Variants in ELF2 observed in about 807,000 individuals in gnomAD.
ELF2 encodes the protein E74 like ETS transcription factor 2, also known as ETS-related transcription factor Elf-2.
ELF2 carries 11 observed loss-of-function variants against 54.8 expected under a neutral mutation model. The observed-to-expected ratio is 0.20, with a 90% confidence interval of 0.13 to 0.33. ELF2 has a LOEUF of 0.33. Ranked by LOEUF, ELF2 falls within the 10% of genes least tolerant of loss-of-function variation. The pLI is 1.00. For missense variants in ELF2, 513 were observed against 703.0 expected, an observed-to-expected ratio of 0.73 and a Z score of 3.06; for synonymous variants, 203 against 245.1, an observed-to-expected ratio of 0.83 and a Z score of 1.61.
chr4:139,129,267 ACT>A (rs943775633), intron 3 of ELF2, among the ~76,000 whole-genome samples: 1 of 151,716 alleles, frequency 6.6e-6, no homozygotes, highest in African/African-American at 2.4e-5. Context: ...GTCTCCTCTG[ACT>A]CTTCTTTCAT....
chr4:139,073,567 A>G lies in ELF2; in HGVS notation c.239T>C (p.Val80Ala). 6.6e-7 allele frequency: 1 copy of G among 1,515,458 alleles called. No homozygotes were observed. 93.9% of individuals were successfully genotyped at this position (1,515,458 alleles called of 1,614,324 possible). The change falls in exon 5 of 10, where the codon GTG becomes GCG. Residue 80 changes from valine (V) to alanine (A), a missense_variant and splice_region_variant. Val to Ala is a moderately conservative substitution (Grantham distance 64). This residue lies in a region of ELF2 where 203 missense variants were observed against 245.9 expected (regional missense o/e 0.83). Transcript: ENST00000686138. ...QEVETENVET[V>A]EASVHSSNAH... Reference sequence around the variant, plus strand: ...ATTACTGCTGTGAACTGATGCTTCCACTGGAGGAAAAATAAGTTCTACTCA... The same window carrying G: ...ATTACTGCTGTGAACTGATGCTTCCGCTGGAGGAAAAATAAGTTCTACTCA...
rs1272761528 is a variant in ELF2, at chr4:139,101,648, ATAC to A, written c.238+23513_238+23515del. On this transcript the variant is annotated intron_variant, in intron 4 of 9. Transcript: ENST00000686138. ...ACAATAGTGGTCTCTGACCTATACA[ATAC>A]TTGACTCCTTTTGTAAGACGGTAAA... 1.3e-4 allele frequency: 20 copies of A among 152,332 alleles called. No homozygotes were observed. The East Asian group carries it at 3.3e-3, about 25-fold the overall frequency. 9.4% of individuals were successfully genotyped at this position (152,332 alleles called of 1,614,324 possible).
At chr4:139,066,655 G>C (rs1447146553) in intron 7 of ELF2, 1 of 151,750 alleles carries the variant, frequency 6.6e-6, no homozygotes, top group Non-Finnish European at 1.5e-5. Context: ...GGGAGTGTGA[G>C]GCCGGAGGAT....
intron 1 of ELF2, among the ~76,000 whole-genome samples, chr4:139,161,301 CT>C (rs2148900803): frequency 6.6e-6 from 1 of 152,232 alleles, no homozygotes; most frequent in South Asian, 2.1e-4. Context: ...ATCTTCAGAA[CT>C]GTTAGCATAC....
At chr4:139,128,990 G>A (rs1241271315) in intron 3 of ELF2, among the ~76,000 whole-genome samples, 1 of 151,964 alleles carries the variant, frequency 6.6e-6, no homozygotes, top group Non-Finnish European at 1.5e-5. Context: ...CCAGGCTGGA[G>A]TGCAATGGCG....
chr4:139,127,462 T>G (rs182403592), intron 3 of ELF2, among the ~76,000 whole-genome samples: 2 of 152,336 alleles, frequency 1.3e-5, no homozygotes, highest in East Asian at 3.9e-4. Flanking sequence ...CTATCTATGA[T>G]AATATTGCCC....
At position 139,162,618 on chromosome 4, in the gene ELF2, T is replaced by C. The variant is rs145813172; in HGVS notation, c.-252+14349A>G. On this transcript the variant is annotated intron_variant, in intron 1 of 9. Coordinates refer to ENST00000686138, the MANE Select transcript of ELF2 (RefSeq NM_001331036.3). Reference sequence around the variant, plus strand: ...TTCACATAATTTGAAATATTAAAATTATGTTAAATTAAGTGATAAATACTC... The same window carrying C: ...TTCACATAATTTGAAATATTAAAATCATGTTAAATTAAGTGATAAATACTC... Among the ~76,000 whole-genome samples, 768 of 152,272 alleles carry C rather than the reference T, an allele frequency of 5.0e-3. 3 individuals are homozygous for C. Among genetic ancestry groups the C allele is most frequent in the African/African-American group, 0.017 (722 of 41,548 alleles).
chr4:139,072,277 C>A, intron 5 of ELF2: 1 of 411,332 alleles, frequency 2.4e-6, no homozygotes, highest in Non-Finnish European at 4.3e-6. Context: ...AGGCAAGGAT[C>A]ATGAGTAGTC....
At chr4:139,100,399 C>T (rs181485459) in intron 4 of ELF2, 2 of 152,344 alleles carry the variant, frequency 1.3e-5, no homozygotes, top group Non-Finnish European at 2.9e-5. Flanking sequence ...AGCACATGCC[C>T]GTGATCCCAA....
intron 4 of ELF2, among the ~76,000 whole-genome samples, chr4:139,122,559 T>C (rs925695793): frequency 6.6e-6 from 1 of 152,110 alleles, no homozygotes; most frequent in African/African-American, 2.4e-5. Context: ...TGGAGTGCAG[T>C]AGCACTATCT....
rs113800639 is a variant in ELF2 at position 139,058,407 on chromosome 4, G to GTATATATATATATA, written c.*562_*575dup. The GTATATATATATATA allele has an allele frequency of 2.1e-5, 3 of 142,154 alleles. No individual in the cohort carries two copies. Among genetic ancestry groups the GTATATATATATATA allele is most frequent in the African/African-American group, 7.7e-5 (3 of 38,818 alleles). 8.8% of individuals were successfully genotyped at this position (142,154 alleles called of 1,614,324 possible). ...AGCTATATGATATATATATATGTAT[G>GTATATATATATATA]TATATATATATATATATATATATAA... is the stretch of plus-strand genomic sequence containing the variant. On this transcript the variant is annotated 3_prime_UTR_variant, in exon 10 of 10. Transcript: ENST00000686138.
In ELF2 at chr4:139,058,407, G is replaced by GTGTGTATATATATATATA. The variant is rs1002583205; in HGVS notation, c.*575_*576insTATATATATATATACACA. The GTGTGTATATATATATATA allele has an allele frequency of 3.5e-5, 5 of 142,152 alleles. No homozygotes were observed. The highest frequency in any genetic ancestry group is 1.3e-4 in the African/African-American group (5 of 38,872). 8.8% of individuals were successfully genotyped at this position (142,152 alleles called of 1,614,324 possible). A position where few individuals can be genotyped will look rare whatever the true frequency, so the allele number is the denominator to read the frequency against. The stretch of plus-strand genomic sequence containing the variant: ...AGCTATATGATATATATATATGTAT[G>GTGTGTATATATATATATA]TATATATATATATATATATATATAA... On this transcript the variant is annotated 3_prime_UTR_variant, in exon 10 of 10. Coordinates refer to ENST00000686138, the MANE Select transcript of ELF2 (RefSeq NM_001331036.3).
rs1046099534 is a variant in ELF2, at chr4:139,094,869, T to C, written c.239-21302A>G. Among the ~76,000 whole-genome samples, 21 of 152,232 alleles carry C rather than the reference T, an allele frequency of 1.4e-4. No homozygotes were observed. In the East Asian group the frequency reaches 3.9e-3, roughly 28 times the overall value. Reference sequence around the variant, plus strand: ...ATTTTTAGGTCCCTAGTAAAGGGTGTTTTGTTTTGTTTTTGTTTTTTTACT... The same window carrying C: ...ATTTTTAGGTCCCTAGTAAAGGGTGCTTTGTTTTGTTTTTGTTTTTTTACT... On this transcript the variant is annotated intron_variant, in intron 4 of 9. Coordinates refer to ENST00000686138, the MANE Select transcript of ELF2 (RefSeq NM_001331036.3).
chr4:139,089,424 T>C (rs1011039239), intron 4 of ELF2, among the ~76,000 whole-genome samples: 5 of 152,198 alleles, frequency 3.3e-5, no homozygotes, highest in Admixed American at 6.5e-5. Flanking sequence ...AGAAATAACA[T>C]ATAACAGATG....
chr4:139,150,928 G>A (rs1448514748), intron 1 of ELF2, among the ~76,000 whole-genome samples: 1 of 150,544 alleles, frequency 6.6e-6, no homozygotes, highest in Non-Finnish European at 1.5e-5. Flanking sequence ...AGGAGACTGA[G>A]GCAGGAGAAT....
intron 3 of ELF2, among the ~76,000 whole-genome samples, chr4:139,132,257 T>A (rs546097164): frequency 2.0e-5 from 3 of 152,270 alleles, no homozygotes; most frequent in Non-Finnish European, 4.4e-5. Context: ...TAAAAAGGAA[T>A]CCATTTGCAA....
At chr4:139,098,353 A>C (rs2148778440) in intron 4 of ELF2, among the ~76,000 whole-genome samples, 1 of 152,268 alleles carries the variant, frequency 6.6e-6, no homozygotes, top group South Asian at 2.1e-4. Context: ...TCCTTTTAGC[A>C]GTATAAAGAG....
intron 3 of ELF2, among the ~76,000 whole-genome samples, chr4:139,130,220 A>C (rs1006432823): frequency 6.7e-6 from 1 of 149,806 alleles, no homozygotes; most frequent in Non-Finnish European, 1.5e-5. Flanking sequence ...CCTAGCCCTC[A>C]AAAAAAAACA....
rs1730456742 is a variant in ELF2 at position 139,077,393 on chromosome 4, A to G, written c.239-3826T>C. Among the ~76,000 whole-genome samples the G allele has an allele frequency of 2.6e-5, 4 of 152,352 alleles. No individual in the cohort carries two copies. The South Asian group carries it at 8.3e-4, about 32-fold the overall frequency. On this transcript the variant is annotated intron_variant, in intron 4 of 9. Coordinates refer to ENST00000686138, the MANE Select transcript of ELF2 (RefSeq NM_001331036.3). ...AAAATAAACTTACTTTGTAAGTTACAAGCATGTTAAGAGGAACACTGATTA... is the reference window on the plus strand; with the variant it reads ...AAAATAAACTTACTTTGTAAGTTACGAGCATGTTAAGAGGAACACTGATTA...
Sources: gnomAD v4.1 joint callset for allele counts (sites outside exome capture counted in the v4.1 genomes callset) on GRCh38, gnomAD v4.1.1 for gene constraint, gnomAD v4.1.1 regional missense constraint, MANE v1.5 for transcripts, NCBI Gene and HGNC (gene_info 2026-07-23, HGNC 2026-07-21) for gene names.